CTXN2: variants seen among roughly 807,000 people sequenced by gnomAD.
CTXN2 encodes the protein cortexin-2.
In CTXN2, 3 loss-of-function variants were observed where a neutral mutation model predicts 5.7. The ratio of observed to expected loss-of-function variants is 0.53; its 90% CI spans 0.24 to 1.36. The LOEUF is 1.36. Among genes scored for constraint, CTXN2 ranks in the 40% most tolerant of loss-of-function variants. CTXN2 has a pLI of 0.17. For synonymous variants in CTXN2, 38 were observed against 36.4 expected (o/e 1.04, Z -0.16); for missense variants, 87 against 93.0 (o/e 0.94, Z 0.26).
At chr15:48,185,122 T>C (rs893567965) in intron 1 of CTXN2, among the ~76,000 whole-genome samples, 1 of 152,080 alleles carries the variant, frequency 6.6e-6, no homozygotes, top group Admixed American at 6.6e-5. Context: ...TTCAGATCAA[T>C]GGATTCCAGG....
At chr15:48,183,729 A>G (rs2040721621) in intron 1 of CTXN2, among the ~76,000 whole-genome samples, 1 of 152,226 alleles carries the variant, frequency 6.6e-6, no homozygotes, top group Non-Finnish European at 1.5e-5. Context: ...TCTTGACTCC[A>G]TTAACAAATC....
At chr15:48,192,432 T>C (rs1440765021) in intron 1 of CTXN2, 2 of 152,462 alleles carry the variant, frequency 1.3e-5, no homozygotes, top group Non-Finnish European at 2.9e-5. Context: ...TTCACCATGA[T>C]GAAGACATCT....
At chr15:48,183,216 A>G (rs552428842) in intron 1 of CTXN2, among the ~76,000 whole-genome samples, 1 of 152,318 alleles carries the variant, frequency 6.6e-6, no homozygotes, top group South Asian at 2.1e-4. Flanking sequence ...AGGTACCCAC[A>G]TATGAAGGAG....
chr15:48,191,641 C>T (rs1244065368), upstream of CTXN2: 2 of 445,786 alleles, frequency 4.5e-6, no homozygotes, highest in Non-Finnish European at 9.1e-6. Flanking sequence ...CGCACACGTA[C>T]TTCGGCGGGC....
At position 48,200,220 on chromosome 15, in the gene CTXN2, G is replaced by T. The variant is rs561441778; in HGVS notation, c.-57-1024G>T. ...AGAAAATACCAACAGTCTATTATTC[G>T]CAGTTATTGGATGAAAAGCTATTTG... On this transcript the variant is annotated intron_variant, in intron 1 of 1. Transcript: ENST00000417307. 1.1e-4 allele frequency among the ~76,000 whole-genome samples: 16 copies of T among 152,168 alleles called. No homozygotes were observed. The South Asian group carries it at 3.3e-3, about 32-fold the overall frequency.
At chr15:48,194,854 G>C (rs1273673902) in intron 1 of CTXN2, among the ~76,000 whole-genome samples, 2 of 151,908 alleles carry the variant, frequency 1.3e-5, no homozygotes, top group African/African-American at 2.4e-5. Context: ...GTCCTTCTTG[G>C]TCTTCCCTTT....
chr15:48,198,721 G>T (rs140790898), intron 1 of CTXN2, among the ~76,000 whole-genome samples: 9 of 152,144 alleles, frequency 5.9e-5, no homozygotes. Flanking sequence ...AAATAAGAGC[G>T]TAGTGGATTA....
At chr15:48,195,533 C>T (rs1311332670) in intron 1 of CTXN2, among the ~76,000 whole-genome samples, 2 of 152,126 alleles carry the variant, frequency 1.3e-5, no homozygotes, top group East Asian at 3.8e-4. Flanking sequence ...TCCCCCTTGC[C>T]TGTACCAAAT....
At position 48,202,807 on chromosome 15, in the gene CTXN2, A is replaced by G. The variant is rs1205014237; in HGVS notation, c.*1261A>G. 3.0e-5 allele frequency: 5 copies of G among 166,522 alleles called. No individual in the cohort carries two copies. The highest frequency in any genetic ancestry group is 4.1e-4 in the South Asian group (2 of 4,828). The allele number at this position is 166,522 out of a possible 1,614,324, so 10.3% of individuals were successfully genotyped here. A position where few individuals can be genotyped will look rare whatever the true frequency, so the allele number is the denominator to read the frequency against. ...CATTCTCTTCAATTGAGAAATAAAA[A>G]GATAAAATTATATAGTTCTAAATTC... On this transcript the variant is annotated 3_prime_UTR_variant, in exon 2 of 2. Transcript: ENST00000417307.
intron 1 of CTXN2, among the ~76,000 whole-genome samples, chr15:48,199,783 C>G (rs1015610067): frequency 6.6e-6 from 1 of 152,100 alleles, no homozygotes; most frequent in Admixed American, 6.6e-5. Flanking sequence ...GTTTAAAAAA[C>G]TAAAGTCTTC....
At chr15:48,195,895 T>C (rs2040875003) in intron 1 of CTXN2, among the ~76,000 whole-genome samples, 2 of 152,226 alleles carry the variant, frequency 1.3e-5, no homozygotes, top group Non-Finnish European at 2.9e-5. Context: ...GAAGCCTATG[T>C]TGTTGTTTCT....
chr15:48,190,997 T>C (rs2140976278), upstream of CTXN2: 1 of 152,430 alleles, frequency 6.6e-6, no homozygotes, highest in South Asian at 2.1e-4. Flanking sequence ...TTCTAGCTTG[T>C]GTTGGGGAGA....
upstream of CTXN2, among the ~76,000 whole-genome samples, chr15:48,189,735 A>G (rs963128784): frequency 5.3e-5 from 8 of 152,176 alleles, no homozygotes; most frequent in African/African-American, 1.9e-4. Context: ...GAATAAAATG[A>G]TCTCCTTTCC....
chr15:48,179,988 G>C (rs1030448995), intron 1 of CTXN2, among the ~76,000 whole-genome samples: 1 of 152,118 alleles, frequency 6.6e-6, no homozygotes, highest in African/African-American at 2.4e-5. Context: ...GCTTCAAACA[G>C]AGTAGTAGGT....
chr15:48,193,197 T>G (rs1458669138), intron 1 of CTXN2, among the ~76,000 whole-genome samples: 1 of 152,152 alleles, frequency 6.6e-6, no homozygotes, highest in African/African-American at 2.4e-5. Flanking sequence ...TCTTGGTGCC[T>G]GACAATTGCC....
At chr15:48,180,502 G>GTTTGT (rs964279862) in intron 1 of CTXN2, among the ~76,000 whole-genome samples, 2 of 151,940 alleles carry the variant, frequency 1.3e-5, no homozygotes, top group African/African-American at 4.8e-5. Context: ...TACTGTTTTG[G>GTTTGT]TTTGTTTTGT....
intron 1 of CTXN2, chr15:48,192,130 A>C: frequency 4.3e-6 from 1 of 233,286 alleles, no homozygotes; most frequent in Non-Finnish European, 8.8e-6. Flanking sequence ...TGCTTCTCCC[A>C]TAATGTTTTG....
upstream of CTXN2, among the ~76,000 whole-genome samples, chr15:48,187,019 T>A (rs1294506931): frequency 6.6e-6 from 1 of 151,834 alleles, no homozygotes. Context: ...TTTAGCAGGC[T>A]CTTTGGATTA....
chr15:48,189,560 A>C (rs1018310314), upstream of CTXN2: 1 of 152,230 alleles, frequency 6.6e-6, no homozygotes, highest in Non-Finnish European at 1.5e-5. Context: ...TACAGACTCA[A>C]CTATACCACT....
Sources: allele counts gnomAD v4.1 joint callset (sites outside exome capture counted in the v4.1 genomes callset), GRCh38; gene constraint gnomAD v4.1.1; transcripts MANE v1.5; gene names NCBI Gene and HGNC (gene_info 2026-07-23, HGNC 2026-07-21).